THAP4: variants seen among roughly 807,000 people sequenced by gnomAD.
THAP4 encodes the protein THAP domain containing 4.
A neutral mutation model predicts 48.1 loss-of-function variants in THAP4; 18 were observed. The observed-to-expected ratio is 0.37, with a 90% CI of 0.26 to 0.56. The LOEUF (loss-of-function observed/expected upper bound fraction) is 0.56, where lower values mean the gene tolerates loss of function less well. THAP4 is among the 20% of genes least tolerant of loss of function. The probability of loss-of-function intolerance (pLI) is 0.78; values close to 1 mark genes in which losing one functional copy is unlikely to be tolerated. For synonymous variants in THAP4, 345 were observed against 324.9 expected, an observed-to-expected ratio of 1.06 and a Z score of -0.66; for missense variants, 656 against 774.9, an observed-to-expected ratio of 0.85 and a Z score of 1.82.
Position 241,610,736 on chromosome 2 carries a change from C to T in THAP4, c.1241-4263G>A, listed in dbSNP as rs566343923. Among the ~76,000 whole-genome samples the T allele has an allele frequency of 6.6e-6, 1 of 152,204 alleles. No homozygotes were observed. The highest frequency in any genetic ancestry group is 2.4e-5 in the African/African-American group (1 of 41,548). On this transcript the variant is annotated intron_variant, in intron 2 of 5. Coordinates refer to ENST00000407315, the MANE Select transcript of THAP4 (RefSeq NM_015963.6). This position sits in a 1 kb window ranked among gnomAD's most constrained non-coding sequence, Gnocchi z 4.2. ...CCGGGAGGCCCTGTCCTCCATCCAG[C>T]GCTCCTCAGAGGGGACCGGAGAGGA...
chr2:241,600,526 G>C (rs1019582020), intron 5 of THAP4, among the ~76,000 whole-genome samples: 1 of 151,956 alleles, frequency 6.6e-6, no homozygotes, highest in Non-Finnish European at 1.5e-5. Flanking sequence ...AGGAGATCGA[G>C]ACCATCCTGG....
At position 241,612,734 on chromosome 2, in the gene THAP4, G is replaced by A. The variant is rs970493046; in HGVS notation, c.1241-6261C>T. ...ACACACACATCTACAGAGACAGAACGTGGGTCAGTGTTTCTCCACAGCTGC... is the reference window on the plus strand; with the variant it reads ...ACACACACATCTACAGAGACAGAACATGGGTCAGTGTTTCTCCACAGCTGC... On this transcript the variant is annotated intron_variant, in intron 2 of 5. Transcript: ENST00000407315. This position sits in a 1 kb window ranked among gnomAD's most constrained non-coding sequence, Gnocchi z 4.1. Among the ~76,000 whole-genome samples, 7 of 152,200 alleles carry A rather than the reference G, an allele frequency of 4.6e-5. No individual in the cohort carries two copies. Among genetic ancestry groups the A allele is most frequent in the African/African-American group, 1.2e-4 (5 of 41,454 alleles).
intron 3 of THAP4, among the ~76,000 whole-genome samples, chr2:241,605,819 G>C (rs1043029893): frequency 1.3e-5 from 2 of 151,952 alleles, no homozygotes; most frequent in African/African-American, 2.4e-5. Flanking sequence ...CTGGGTTCAA[G>C]CAATCCTCCC....
chr2:241,591,438 A>C lies in THAP4; in HGVS notation c.1615-6713T>G, dbSNP rs577286815. On this transcript the variant is annotated intron_variant, in intron 5 of 5. Transcript: ENST00000407315. ...CAAACTGCACACTTGAAGTGTATGCATTTATTCCATATAAAGTATACCTCA... is the reference window on the plus strand; with the variant it reads ...CAAACTGCACACTTGAAGTGTATGCCTTTATTCCATATAAAGTATACCTCA... Among the ~76,000 whole-genome samples, 32 of 152,366 alleles carry C rather than the reference A, an allele frequency of 2.1e-4. No individual in the cohort carries two copies. In the South Asian group the frequency reaches 4.1e-3, roughly 20 times the overall value.
At chr2:241,607,769 C>T (rs879784217) in intron 2 of THAP4, among the ~76,000 whole-genome samples, 5 of 125,656 alleles carry the variant, frequency 4.0e-5, no homozygotes, top group African/African-American at 9.5e-5. Flanking sequence ...AAGCAGAAGA[C>T]GGACTGACGG....
In THAP4 at chr2:241,616,599, C is replaced by T. The variant is rs111274684; in HGVS notation, c.1241-10126G>A. 2.0e-5 allele frequency among the ~76,000 whole-genome samples: 3 copies of T among 152,164 alleles called. No individual in the cohort carries two copies. The highest frequency in any genetic ancestry group is 6.6e-5 in the Admixed American group (1 of 15,266). The stretch of plus-strand genomic sequence containing the variant: ...GCTGCTGCTTCAGGGGCACAGGGCC[C>T]ACACCACACTTGGGGACAGGACAGG... On this transcript the variant is annotated intron_variant, in intron 2 of 5. Coordinates refer to ENST00000407315, the MANE Select transcript of THAP4 (RefSeq NM_015963.6). The surrounding 1 kb of genome is among the most constrained non-coding windows in gnomAD (Gnocchi z 4.6).
At chr2:241,629,902 C>A (rs1434171863) in intron 2 of THAP4, among the ~76,000 whole-genome samples, 1 of 151,928 alleles carries the variant, frequency 6.6e-6, no homozygotes, top group African/African-American at 2.4e-5. Flanking sequence ...CTCTGGTCCG[C>A]TGACTAACAC....
At chr2:241,589,422 CA>C (rs1216150912) in intron 5 of THAP4, among the ~76,000 whole-genome samples, 5 of 152,034 alleles carry the variant, frequency 3.3e-5, no homozygotes, top group Non-Finnish European at 7.4e-5. Flanking sequence ...AACAAATGGG[CA>C]AAAAATCTGA....
chr2:241,633,909 G>A lies in THAP4; in HGVS notation c.248C>T (p.Ser83Phe). The A allele has an allele frequency of 6.2e-7, 1 of 1,614,128 alleles. No individual in the cohort carries two copies. Among genetic ancestry groups the A allele is most frequent in the Non-Finnish European group, 8.5e-7 (1 of 1,180,014 alleles). ...CTTCTTCTCGGTCAGGTGGAAGATGGATGGCACGGCCGTGGGCTTCAGCAG... is the reference window on the plus strand; with the variant it reads ...CTTCTTCTCGGTCAGGTGGAAGATGAATGGCACGGCCGTGGGCTTCAGCAG... Reference protein sequence around the residue: ...HRLLKPTAVPSIFHLTEKKRG... With the variant: ...HRLLKPTAVPFIFHLTEKKRG... Residue 83 changes from serine (S) to phenylalanine (F), a missense_variant, in exon 2 of 6, where the codon TCC becomes TTC. Ser to Phe is a radical substitution (Grantham distance 155). Around this residue, in one of 4 missense-constraint regions of THAP4, gnomAD observed 30 missense variants for 60.1 expected, o/e 0.50. Coordinates refer to ENST00000407315, the MANE Select transcript of THAP4 (RefSeq NM_015963.6). The surrounding 1 kb of genome is among the most constrained non-coding windows in gnomAD (Gnocchi z 7.5).
At chr2:241,619,359 A>G (rs928098092) in intron 2 of THAP4, among the ~76,000 whole-genome samples, 1 of 152,204 alleles carries the variant, frequency 6.6e-6, no homozygotes, top group African/African-American at 2.4e-5. Flanking sequence ...CTGATGGGGG[A>G]TGCGTTGACA....
chr2:241,592,544 C>T (rs2066996995), intron 5 of THAP4, among the ~76,000 whole-genome samples: 1 of 152,176 alleles, frequency 6.6e-6, no homozygotes, highest in African/African-American at 2.4e-5. Flanking sequence ...GGCATTGCTA[C>T]CCTCTGTGGG....
At chr2:241,591,088 C>T (rs1262027551) in intron 5 of THAP4, among the ~76,000 whole-genome samples, 1 of 143,922 alleles carries the variant, frequency 6.9e-6, no homozygotes, top group Admixed American at 7.0e-5. Context: ...TGATGATGGG[C>T]ACTAGGACAG....
At chr2:241,604,074 CTA>C (rs1048088710) in intron 3 of THAP4, among the ~76,000 whole-genome samples, 1 of 150,880 alleles carries the variant, frequency 6.6e-6, no homozygotes, top group African/African-American at 2.4e-5. Context: ...GAATCCATCT[CTA>C]TGATTCTTAG....
intron 2 of THAP4, among the ~76,000 whole-genome samples, chr2:241,613,727 C>G (rs542017691): frequency 6.6e-6 from 1 of 152,218 alleles, no homozygotes; most frequent in Admixed American, 6.5e-5. Flanking sequence ...TACACTCCAA[C>G]CTGGGTGACA....
At chr2:241,620,078 T>G (rs1575034097) in intron 2 of THAP4, among the ~76,000 whole-genome samples, 1 of 30,112 alleles carries the variant, frequency 3.3e-5, no homozygotes, top group Non-Finnish European at 6.1e-5. Flanking sequence ...GAGTGAGTCG[T>G]GAGTGAGGGG....
intron 5 of THAP4, among the ~76,000 whole-genome samples, chr2:241,591,131 A>G (rs1231297727): frequency 1.0e-5 from 1 of 97,632 alleles, no homozygotes; most frequent in Admixed American, 1.0e-4. Context: ...GATGGGCACT[A>G]GGACACTCAG....
At chr2:241,623,297 T>A (rs141475810) in intron 2 of THAP4, among the ~76,000 whole-genome samples, 6 of 149,044 alleles carry the variant, frequency 4.0e-5, no homozygotes, top group Non-Finnish European at 8.9e-5. Flanking sequence ...AGTAAAGGGA[T>A]AGGCCAGCAT....
rs554537698 is a variant in THAP4 at position 241,633,328 on chromosome 2, C to T, written c.829G>A (p.Asp277Asn). Reference protein sequence around the residue: ...PSCSGSSLGPDKGLAQSPPSS... With the variant: ...PSCSGSSLGPNKGLAQSPPSS... ...GGAGGGCTCTGGGCCAGGCCCTTGT[C>T]GGGTCCCAGGCTGCTCCCACTGCAG... Residue 277 changes from aspartate to asparagine, a missense_variant, in exon 2 of 6, where the codon GAC becomes AAC. Asp to Asn is a conservative substitution (Grantham distance 23). Around this residue, in one of 4 missense-constraint regions of THAP4, gnomAD observed 391 missense variants for 412.4 expected, o/e 0.95. Coordinates refer to ENST00000407315, the MANE Select transcript of THAP4 (RefSeq NM_015963.6). The surrounding 1 kb of genome is among the most constrained non-coding windows in gnomAD (Gnocchi z 7.5). 9.2e-5 allele frequency: 149 copies of T among 1,612,372 alleles called. 3 individuals are homozygous for T. In the South Asian group the frequency reaches 1.0e-3, roughly 11 times the overall value.
intron 3 of THAP4, among the ~76,000 whole-genome samples, chr2:241,605,031 G>A (rs1017093991): frequency 2.0e-5 from 3 of 152,010 alleles, no homozygotes; most frequent in Admixed American, 6.6e-5. Flanking sequence ...ATTTTTCTTC[G>A]AATGCTAGTC....
Sources: allele counts gnomAD v4.1 joint callset (sites outside exome capture counted in the v4.1 genomes callset), GRCh38; gene constraint gnomAD v4.1.1; regional missense constraint gnomAD v4.1.1; non-coding constraint Gnocchi (gnomAD v3.1); transcripts MANE v1.5; gene names NCBI Gene and HGNC (gene_info 2026-07-23, HGNC 2026-07-21).